Variants in OPCML observed in about 807,000 individuals in gnomAD.
OPCML encodes the protein opioid-binding protein/cell adhesion molecule.
Under a neutral mutation model 37.8 loss-of-function variants are expected in OPCML, and 13 were observed. The observed-to-expected ratio is 0.34, with a 90% CI of 0.22 to 0.55. The LOEUF (loss-of-function observed/expected upper bound fraction) is 0.55, where lower values mean the gene tolerates loss of function less well. Ranked by LOEUF, OPCML falls within the 20% of genes least tolerant of loss-of-function variation. OPCML has a pLI of 0.91. For synonymous variants in OPCML, 176 were observed against 168.8 expected, an observed-to-expected ratio of 1.04 and a Z score of -0.33; for missense variants, 341 against 435.6, an observed-to-expected ratio of 0.78 and a Z score of 1.93.
intron 2 of OPCML, among the ~76,000 whole-genome samples, chr11:132,836,491 A>G (rs768712319): frequency 1.5e-4 from 23 of 152,218 alleles, no homozygotes; most frequent in Non-Finnish European, 2.6e-4. Context: ...AATGGCAATA[A>G]TTAAAATATT....
chr11:132,422,348 G>C (rs1013328283), intron 7 of OPCML, among the ~76,000 whole-genome samples: 4 of 152,180 alleles, frequency 2.6e-5, no homozygotes, highest in Admixed American at 6.5e-5. Flanking sequence ...ACAGACCATG[G>C]AAGAGTGGGG....
chr11:132,619,468 A>G (rs1197535644), intron 3 of OPCML, among the ~76,000 whole-genome samples: 1 of 151,972 alleles, frequency 6.6e-6, no homozygotes, highest in African/African-American at 2.4e-5. Flanking sequence ...GCTGAATGCT[A>G]GTGGCATCAG....
chr11:133,402,337 A>T (rs1246484637), intron 1 of OPCML, among the ~76,000 whole-genome samples: 1 of 152,186 alleles, frequency 6.6e-6, no homozygotes, highest in Non-Finnish European at 1.5e-5. Context: ...TGACCAAGTC[A>T]ACTCTTAAAG....
chr11:132,495,444 A>T (rs1369323790), intron 4 of OPCML, among the ~76,000 whole-genome samples: 2 of 152,228 alleles, frequency 1.3e-5, no homozygotes, highest in African/African-American at 4.8e-5. Flanking sequence ...TCCAAGAACT[A>T]CATCAAATTA....
chr11:133,479,257 A>C (rs1313910750), intron 1 of OPCML, among the ~76,000 whole-genome samples: 8 of 152,082 alleles, frequency 5.3e-5, no homozygotes, highest in Non-Finnish European at 2.9e-5. Context: ...AGGTGTCTGC[A>C]TTTTCCACAA....
chr11:133,047,995 T>C (rs886656619), intron 1 of OPCML, among the ~76,000 whole-genome samples: 10 of 152,036 alleles, frequency 6.6e-5, no homozygotes, highest in Non-Finnish European at 4.4e-5. Context: ...AAACTGAGGA[T>C]TCCTGGAGGC....
intron 1 of OPCML, among the ~76,000 whole-genome samples, chr11:133,042,864 C>T (rs139370192): frequency 3.9e-5 from 6 of 152,038 alleles, no homozygotes; most frequent in South Asian, 2.1e-4. Context: ...ACACCCGAGA[C>T]GCCTCCTCTA....
intron 1 of OPCML, among the ~76,000 whole-genome samples, chr11:132,994,265 A>G (rs1209497427): frequency 6.6e-6 from 1 of 152,124 alleles, no homozygotes; most frequent in Non-Finnish European, 1.5e-5. Flanking sequence ...CGGGGCTTTT[A>G]CGGCCGGAAC....
rs1348426812 is a variant in OPCML at position 133,417,255 on chromosome 11, T to TGCTG, written c.61+115008_61+115009insCAGC. On this transcript the variant is annotated intron_variant, in intron 1 of 7. Transcript: ENST00000524381. ...AATCCCTGATTCATAGAAGTGCAGG[T>TGCTG]CAAAACCTGGTGCTGCAATTGGCAT... is the stretch of plus-strand genomic sequence containing the variant. 2.6e-5 allele frequency among the ~76,000 whole-genome samples: 4 copies of TGCTG among 152,148 alleles called. No individual in the cohort carries two copies. In the South Asian group the frequency reaches 8.3e-4, roughly 32 times the overall value.
intron 1 of OPCML, among the ~76,000 whole-genome samples, chr11:133,080,503 A>G (rs1281747360): frequency 1.4e-5 from 2 of 139,254 alleles, no homozygotes; most frequent in Non-Finnish European, 1.5e-5. Flanking sequence ...TTCCTAAAAT[A>G]GGCTTTAGTC....
At chr11:133,203,855 G>C (rs941073645) in intron 1 of OPCML, among the ~76,000 whole-genome samples, 25 of 152,002 alleles carry the variant, frequency 1.6e-4, no homozygotes, top group African/African-American at 5.8e-4. Context: ...TCAGGAGATG[G>C]AGACCATCCT....
chr11:133,092,156 G>C (rs1489106209), intron 1 of OPCML, among the ~76,000 whole-genome samples: 3 of 152,134 alleles, frequency 2.0e-5, no homozygotes, highest in Non-Finnish European at 4.4e-5. Flanking sequence ...CTCTGGAGGA[G>C]GCAACGGGGC....
At chr11:132,624,276 G>C (rs542404207) in intron 3 of OPCML, among the ~76,000 whole-genome samples, 2 of 152,282 alleles carry the variant, frequency 1.3e-5, no homozygotes, top group South Asian at 4.1e-4. Context: ...GAACAAGTTT[G>C]TATAGTTGGC....
rs1939335160 is a variant in OPCML at position 133,211,033 on chromosome 11, G to A, written c.62-268023C>T. Among the ~76,000 whole-genome samples, 1 of 152,214 alleles carries A rather than the reference G, an allele frequency of 6.6e-6. No homozygotes were observed. Among genetic ancestry groups the A allele is most frequent in the African/African-American group, 2.4e-5 (1 of 41,456 alleles). On this transcript the variant is annotated intron_variant, in intron 1 of 7. Coordinates refer to ENST00000524381, the MANE Select transcript of OPCML (RefSeq NM_001012393.5). The surrounding 1 kb of genome is among the most constrained non-coding windows in gnomAD (Gnocchi z 4.1). ...AAAAATTAAAAAAATGTGCAGAGAA[G>A]TCTCTCTACAAACTATAACCACCTA...
At chr11:133,394,671 C>T (rs1266396805) in intron 1 of OPCML, among the ~76,000 whole-genome samples, 6 of 152,102 alleles carry the variant, frequency 3.9e-5, no homozygotes, top group Admixed American at 1.3e-4. Context: ...TGTCTTTCTG[C>T]GCCTGGCTTG....
intron 1 of OPCML, among the ~76,000 whole-genome samples, chr11:133,272,252 TAAAAA>T (rs544482291): frequency 8.0e-6 from 1 of 124,468 alleles, no homozygotes; most frequent in Non-Finnish European, 1.7e-5. Context: ...ATATTTGGAC[TAAAAA>T]AAAAAAAAAA....
chr11:133,072,299 C>T (rs186299069), intron 1 of OPCML, among the ~76,000 whole-genome samples: 32 of 152,192 alleles, frequency 2.1e-4, no homozygotes. Flanking sequence ...AAAAATAAAC[C>T]TACTGTGACA....
At chr11:133,236,431 T>G (rs117595172) in intron 1 of OPCML, among the ~76,000 whole-genome samples, 1,845 of 152,238 alleles carry the variant, frequency 0.012, 18 homozygotes, top group Non-Finnish European at 0.018. Flanking sequence ...GTATCCCAAG[T>G]CACAGAAGCC....
At chr11:132,635,039 G>C (rs1268086343) in intron 3 of OPCML, among the ~76,000 whole-genome samples, 1 of 152,168 alleles carries the variant, frequency 6.6e-6, no homozygotes, top group East Asian at 1.9e-4. Flanking sequence ...GTGCAATTGT[G>C]TTTGGAAATC....
Sources: allele counts gnomAD v4.1 joint callset (sites outside exome capture counted in the v4.1 genomes callset), GRCh38; gene constraint gnomAD v4.1.1; non-coding constraint Gnocchi (gnomAD v3.1); transcripts MANE v1.5; gene names NCBI Gene and HGNC (gene_info 2026-07-23, HGNC 2026-07-21).